Variants in PISD observed in about 807,000 individuals in gnomAD.
PISD encodes phosphatidylserine decarboxylase.
Under a neutral mutation model 43.5 loss-of-function variants are expected in PISD, and 31 were observed. The observed-to-expected ratio is 0.71, with a 90% CI of 0.54 to 0.96. PISD has a LOEUF of 0.96. Among genes scored for constraint, PISD ranks in the 40% least tolerant of loss-of-function variants. The pLI, the probability that PISD is intolerant of heterozygous loss-of-function variation, is 0.00. For missense variants in PISD, 523 were observed against 548.4 expected, an observed-to-expected ratio of 0.95 and a Z score of 0.46; for synonymous variants, 259 against 228.7, an observed-to-expected ratio of 1.13 and a Z score of -1.20.
At chr22:31,623,259 G>T (rs1248613829) in intron 3 of PISD, among the ~76,000 whole-genome samples, 1 of 152,222 alleles carries the variant, frequency 6.6e-6, no homozygotes, top group Non-Finnish European at 1.5e-5. Flanking sequence ...CACCCTAAGG[G>T]ACCCAAACAG....
intron 1 of PISD, among the ~76,000 whole-genome samples, chr22:31,653,424 T>C (rs1216995794): frequency 6.6e-6 from 1 of 152,170 alleles, no homozygotes; most frequent in East Asian, 1.9e-4. Flanking sequence ...TGCACAATGA[T>C]TAACAAGGCT....
intron 3 of PISD, among the ~76,000 whole-genome samples, chr22:31,624,648 C>T (rs962150008): frequency 7.2e-6 from 1 of 139,178 alleles, no homozygotes; most frequent in East Asian, 2.4e-4. Context: ...TGGGGCTGCA[C>T]AGACAGACAC....
chr22:31,658,809 A>G (rs2074246417), intron 1 of PISD, among the ~76,000 whole-genome samples: 1 of 149,996 alleles, frequency 6.7e-6, no homozygotes, highest in Admixed American at 6.7e-5. Context: ...TTGAGATTAC[A>G]GACATAAGCC....
At chr22:31,624,824 C>CA (rs1326424025) in intron 3 of PISD, among the ~76,000 whole-genome samples, 1 of 152,022 alleles carries the variant, frequency 6.6e-6, no homozygotes, top group Non-Finnish European at 1.5e-5. Context: ...CCTCCCAGCA[C>CA]AAATGCAGGG....
At chr22:31,625,884 T>G in intron 3 of PISD, 1 of 1,547,726 alleles carries the variant, frequency 6.5e-7, no homozygotes, top group Non-Finnish European at 8.7e-7. Context: ...TTCCTCCCCT[T>G]CCCCCGAGCC....
In PISD at chr22:31,654,717, C is replaced by T. The variant is rs1228121113; in HGVS notation, c.66-3939G>A. On this transcript the variant is annotated intron_variant, in intron 1 of 7. Transcript: ENST00000439502. The stretch of plus-strand genomic sequence containing the variant: ...ATCATTCGGGCTTCCCAGGCATTCA[C>T]CTCCAAGCTTACCCCCACCAGCCAG... Among the ~76,000 whole-genome samples, 16 of 152,168 alleles carry T rather than the reference C, an allele frequency of 1.1e-4. No individual in the cohort carries two copies. The East Asian group carries it at 3.1e-3, about 29-fold the overall frequency.
chr22:31,649,882 T>C (rs968580009), intron 2 of PISD, among the ~76,000 whole-genome samples: 4 of 152,062 alleles, frequency 2.6e-5, no homozygotes, highest in Non-Finnish European at 5.9e-5. Context: ...AAGGCAGAGA[T>C]TGGAGTGATG....
chr22:31,620,069 G>A (rs1283664844), intron 7 of PISD, among the ~76,000 whole-genome samples: 2 of 152,220 alleles, frequency 1.3e-5, no homozygotes, highest in Non-Finnish European at 2.9e-5. Context: ...AGGGAACAGT[G>A]GGGCCCAGTG....
chr22:31,635,955 G>A (rs968002137), intron 3 of PISD, among the ~76,000 whole-genome samples: 4 of 152,232 alleles, frequency 2.6e-5, no homozygotes, highest in African/African-American at 7.2e-5. Flanking sequence ...CCAGCATGGG[G>A]CCAGGTATTT....
Position 31,621,148 on chromosome 22 carries a change from G to A in PISD, c.698-6C>T, listed in dbSNP as rs764644242. 6 of 1,614,058 alleles carry A rather than the reference G, an allele frequency of 3.7e-6. No homozygotes were observed. In the East Asian group the frequency reaches 1.3e-4, roughly 36 times the overall value. On this transcript the variant is annotated splice_polypyrimidine_tract_variant and splice_region_variant and intron_variant, in intron 5 of 7. Coordinates refer to ENST00000439502, the MANE Select transcript of PISD (RefSeq NM_001326411.2). ...GAAGGAGTCACACGACGCGGCTGTG[G>A]AGTAGGAGCAGACGTGGGGGCCACC...
intron 3 of PISD, among the ~76,000 whole-genome samples, chr22:31,632,646 C>G (rs2073256760): frequency 6.6e-6 from 1 of 152,078 alleles, no homozygotes; most frequent in Non-Finnish European, 1.5e-5. Context: ...GTGGGTGCAC[C>G]CTGCCATGGG....
chr22:31,620,481 G>T, intron 7 of PISD, 72 bp downstream of exon 7: 1 of 1,480,120 alleles, frequency 6.8e-7, no homozygotes, highest in Non-Finnish European at 9.4e-7. Context: ...CGCATCCGCC[G>T]CACAGCAGAC....
intron 2 of PISD, among the ~76,000 whole-genome samples, chr22:31,648,704 T>C (rs1158244680): frequency 6.7e-6 from 1 of 149,844 alleles, no homozygotes; most frequent in East Asian, 1.9e-4. Flanking sequence ...TAGAGGTGAC[T>C]GGACCCTCAA....
chr22:31,628,785 A>G, intron 3 of PISD: 1 of 978,658 alleles, frequency 1.0e-6, no homozygotes, highest in Non-Finnish European at 1.2e-6. Context: ...GCCCAGAACA[A>G]CTGCTCAGAA....
At chr22:31,632,704 C>T (rs533682258) in intron 3 of PISD, among the ~76,000 whole-genome samples, 2 of 152,298 alleles carry the variant, frequency 1.3e-5, no homozygotes, top group Non-Finnish European at 2.9e-5. Flanking sequence ...CTGAGCTGCC[C>T]ATCGGATAGG....
chr22:31,651,009 G>C (rs2074016198), intron 1 of PISD, among the ~76,000 whole-genome samples: 1 of 152,090 alleles, frequency 6.6e-6, no homozygotes, highest in Admixed American at 6.6e-5. Context: ...TGTCACCCAG[G>C]CTAGAGTGCA....
chr22:31,660,280 C>T (rs550201547), intron 1 of PISD, among the ~76,000 whole-genome samples: 23 of 152,308 alleles, frequency 1.5e-4, no homozygotes, highest in Admixed American at 1.5e-3. Context: ...TATCTATCTA[C>T]ACTGGTACTA....
At chr22:31,652,068 G>C (rs1032914393) in intron 1 of PISD, among the ~76,000 whole-genome samples, 1 of 151,898 alleles carries the variant, frequency 6.6e-6, no homozygotes, top group African/African-American at 2.4e-5. Context: ...TGATATTTTT[G>C]TGAAAAATAG....
chr22:31,637,143 TAAAAAAAAAAAAAAAA>T (rs1170100945), intron 3 of PISD, among the ~76,000 whole-genome samples: 4 of 31,616 alleles, frequency 1.3e-4, no homozygotes, highest in South Asian at 1.1e-3. Context: ...ATAAATAAAT[TAAAAAAAAAAAAAAAA>T]AAAAAATATA....
Sources: allele counts gnomAD v4.1 joint callset (sites outside exome capture counted in the v4.1 genomes callset), GRCh38; gene constraint gnomAD v4.1.1; transcripts MANE v1.5; gene names NCBI Gene and HGNC (gene_info 2026-07-23, HGNC 2026-07-21).